The following SCN10A variants were observed in gnomAD, a reference collection of about 807,000 sequenced individuals.
SCN10A encodes the protein sodium channel protein type 10 subunit alpha.
In SCN10A, 162 loss-of-function variants were observed where a neutral mutation model predicts 170.7. That is an observed-to-expected ratio of 0.95 (90% confidence interval 0.84 to 1.08). SCN10A has a LOEUF of 1.08. Ranked by LOEUF, SCN10A falls within the 50% of genes least tolerant of loss-of-function variation. The pLI, the probability that SCN10A is intolerant of heterozygous loss-of-function variation, is 0.00. For missense variants in SCN10A, 2,527 were observed against 2,436.9 expected, an observed-to-expected ratio of 1.04 and a Z score of -0.78; for synonymous variants, 985 against 904.6, an observed-to-expected ratio of 1.09 and a Z score of -1.59.
chr3:38,708,771 C>T (rs1318507545), intron 25 of SCN10A, among the ~76,000 whole-genome samples: 2 of 152,138 alleles, frequency 1.3e-5, no homozygotes, highest in African/African-American at 4.8e-5. Flanking sequence ...AAAATATTGC[C>T]AGCATGAGCC....
chr3:38,786,562 A>G (rs569199529), intron 4 of SCN10A, among the ~76,000 whole-genome samples: 12 of 152,096 alleles, frequency 7.9e-5, no homozygotes, highest in African/African-American at 1.2e-4. Flanking sequence ...AACCACCATG[A>G]CATGTGTATA....
chr3:38,761,421 G>A (rs375092799), intron 6 of SCN10A, 38 bp from the exon 7 acceptor site: 268 of 1,562,494 alleles, frequency 1.7e-4, no homozygotes, highest in Non-Finnish European at 2.1e-4. Context: ...ACATGGATGA[G>A]GTAGCACACA....
chr3:38,700,998 C>T (rs1006539582), intron 27 of SCN10A, among the ~76,000 whole-genome samples: 1 of 152,196 alleles, frequency 6.6e-6, no homozygotes, highest in African/African-American at 2.4e-5. Flanking sequence ...CTAAACTCAG[C>T]TTCAACCCTT....
At chr3:38,792,228 C>G (rs1253198699) in intron 2 of SCN10A, 60 bp from the exon 3 acceptor site, 2 of 1,593,342 alleles carry the variant, frequency 1.3e-6, no homozygotes, top group African/African-American at 2.7e-5. Flanking sequence ...CTTATACAAC[C>G]ATGTTTTTAA....
At chr3:38,761,837 T>TGTGA (rs1187935909) in intron 6 of SCN10A, among the ~76,000 whole-genome samples, 13 of 144,752 alleles carry the variant, frequency 9.0e-5, no homozygotes, top group South Asian at 6.8e-4. Flanking sequence ...TGTGTGTGTG[T>TGTGA]GAGAGAGAGA....
rs753714258 is a variant in SCN10A at position 38,734,986 on chromosome 3, C to T, written c.2280+4529G>A. Among the ~76,000 whole-genome samples the T allele has an allele frequency of 3.7e-4, 56 of 151,770 alleles. 1 individual carries two copies. The highest frequency in any genetic ancestry group is 1.9e-4 in the East Asian group (1 of 5,172). On this transcript the variant is annotated intron_variant, in intron 15 of 27. Coordinates refer to ENST00000449082, the MANE Select transcript of SCN10A (RefSeq NM_006514.4). ...GAGATCGAGACCATCCTGGCTAACACGGTGAAACCCCGTCTCTACTAAAAA... is the reference window on the plus strand; with the variant it reads ...GAGATCGAGACCATCCTGGCTAACATGGTGAAACCCCGTCTCTACTAAAAA...
At position 38,697,780 on chromosome 3, in the gene SCN10A, C is replaced by T; in HGVS notation, c.5440G>A (p.Glu1814Lys). The part of the protein sequence containing the change: ...LFAFTKNVLG[E>K]SGELDSLKAN... The stretch of plus-strand genomic sequence containing the variant: ...TTCAGAGAATCCAACTCCCCGGATT[C>T]TCCTAGGACATTCTTGGTGAAAGCA... Residue 1814 changes from glutamate (E) to lysine (K), a missense_variant, in exon 28 of 28, where the codon GAA becomes AAA. Glu to Lys is a moderately conservative substitution (Grantham distance 56, BLOSUM62 1). Transcript: ENST00000449082. The T allele has an allele frequency of 6.2e-7, 1 of 1,614,174 alleles. No homozygotes were observed. Among genetic ancestry groups the T allele is most frequent in the Middle Eastern group, 1.6e-4 (1 of 6,062 alleles).
chr3:38,750,291 C>T (rs2063734615), intron 12 of SCN10A, 107 bp from the exon 13 acceptor site: 1 of 614,662 alleles, frequency 1.6e-6, no homozygotes, highest in African/African-American at 1.8e-5. Context: ...AGTCATATGT[C>T]ACTTACAGAT....
At chr3:38,772,703 C>G (rs1330240723) in intron 4 of SCN10A, among the ~76,000 whole-genome samples, 2 of 116,584 alleles carry the variant, frequency 1.7e-5, no homozygotes, top group East Asian at 4.8e-4. Context: ...ACAACAACAA[C>G]AACAGCAACA....
intron 4 of SCN10A, among the ~76,000 whole-genome samples, chr3:38,772,720 ACAAC>A (rs376153605): frequency 0.065 from 5,614 of 86,338 alleles, 312 homozygotes; most frequent in African/African-American, 0.17. Context: ...AACAACAACA[ACAAC>A]AAAAACAAAA....
intron 14 of SCN10A, among the ~76,000 whole-genome samples, chr3:38,741,548 T>C (rs778719114): frequency 3.3e-5 from 5 of 152,206 alleles, no homozygotes; most frequent in Non-Finnish European, 5.9e-5. Context: ...ATGAGAAGCA[T>C]CTGAGTATTA....
Position 38,781,663 on chromosome 3 carries a change from A to G in SCN10A, c.470+7293T>C, listed in dbSNP as rs1465537862. On this transcript the variant is annotated intron_variant, in intron 4 of 27. Coordinates refer to ENST00000449082, the MANE Select transcript of SCN10A (RefSeq NM_006514.4). ...ATTGAATCCCAAAGCATGGATTTTT[A>G]TGCTACAGGAATAAACAAACTCATT... Among the ~76,000 whole-genome samples, 4 of 152,132 alleles carry G rather than the reference A, an allele frequency of 2.6e-5. No homozygotes were observed. In the East Asian group the frequency reaches 5.8e-4, roughly 22 times the overall value.
rs749673345 is a variant in SCN10A, at chr3:38,697,888, G to A, written c.5332C>T (p.Pro1778Ser). 8 of 1,613,950 alleles carry A rather than the reference G, an allele frequency of 5.0e-6. No homozygotes were observed. In the African/African-American group the frequency reaches 6.7e-5, roughly 13 times the overall value. Residue 1778 changes from proline to serine, a missense_variant, in exon 28 of 28, where the codon CCA (proline) becomes TCA (serine). Pro to Ser is a moderately conservative substitution (Grantham distance 74). Coordinates refer to ENST00000449082, the MANE Select transcript of SCN10A (RefSeq NM_006514.4). The part of the protein sequence containing the change: ...ADTLSGPLRI[P>S]KPNRNILIQM... ...ATCAGTATATTTCGATTGGGTTTTG[G>A]GATTCTCAGGGGACCAGAGAGAGTG...
chr3:38,810,941 TTA>T, intron 1 of SCN10A, among the ~76,000 whole-genome samples: 1 of 152,368 alleles, frequency 6.6e-6, no homozygotes, highest in Middle Eastern at 3.4e-3. Flanking sequence ...CTACACATTT[TTA>T]CACTTATCAC....
In SCN10A at chr3:38,725,295, A is replaced by T; in HGVS notation, c.3107T>A (p.Val1036Asp). The change falls in exon 18 of 28, where the codon GTC (valine) becomes GAC (aspartate). Residue 1036 changes from valine (V) to aspartate (D), a missense_variant. Physicochemically the swap from Val to Asp is radical, Grantham distance 152 (BLOSUM62 -3). Transcript: ENST00000449082. ...PKGQQEQLQQ[V>D]ERCGDHLTPR... ...TGTCAGGTGGTCCCCACACCTCTCG[A>T]CTTGCTGCAGCTGCTCCTGCTAGTG... 1 of 1,579,374 alleles carries T rather than the reference A, an allele frequency of 6.3e-7. No individual in the cohort carries two copies. The highest frequency in any genetic ancestry group is 1.1e-5 in the South Asian group (1 of 87,662).
intron 15 of SCN10A, among the ~76,000 whole-genome samples, chr3:38,739,145 C>T (rs1559434822): frequency 6.6e-6 from 1 of 152,186 alleles, no homozygotes; most frequent in Non-Finnish European, 1.5e-5. Context: ...TTGTTGTGAG[C>T]ATAAAATGAG....
rs760863009 is a variant in SCN10A at position 38,698,004 on chromosome 3, T to A, written c.5216A>T (p.Asp1739Val). ...TEESTEPLSE[D>V]DFDMFYETWE... ...GGTCTCATAGAACATGTCAAAGTCG[T>A]CCTCACTCAGGGGCTCAGTGCTCTC... The change falls in exon 28 of 28, where the codon GAC becomes GTC. Residue 1739 changes from aspartate to valine, a missense_variant. Coordinates refer to ENST00000449082, the MANE Select transcript of SCN10A (RefSeq NM_006514.4). The A allele has an allele frequency of 1.4e-5, 22 of 1,614,030 alleles. No homozygotes were observed. Among genetic ancestry groups the A allele is most frequent in the Non-Finnish European group, 1.9e-5 (22 of 1,180,028 alleles).
Position 38,712,306 on chromosome 3 carries a change from T to C in SCN10A, c.3944A>G (p.Asp1315Gly). 1 of 1,614,204 alleles carries C rather than the reference T, an allele frequency of 6.2e-7. No homozygotes were observed. The change falls in exon 23 of 28, where the codon GAT becomes GGT. Residue 1315 changes from aspartate (D) to glycine (G), a missense_variant. Physicochemically the swap from Asp to Gly is moderately conservative, Grantham distance 94. Coordinates refer to ENST00000449082, the MANE Select transcript of SCN10A (RefSeq NM_006514.4). ...CAAAGGTACAAGGGAAAACTCTCCA[T>C]CGGTATAGTTGATGCACCTCCAAAA... is the stretch of plus-strand genomic sequence containing the variant. Reference protein sequence around the residue: ...GKFWRCINYTDGEFSLVPLSI... With the variant: ...GKFWRCINYTGGEFSLVPLSI...
intron 4 of SCN10A, among the ~76,000 whole-genome samples, chr3:38,773,914 T>C (rs771009307): frequency 1.3e-5 from 2 of 152,154 alleles, no homozygotes; most frequent in Admixed American, 1.3e-4. Context: ...ATTATGAGTA[T>C]ATTATTGGAG....
Sources: gnomAD v4.1 joint callset for allele counts (sites outside exome capture counted in the v4.1 genomes callset) on GRCh38, gnomAD v4.1.1 for gene constraint, MANE v1.5 for transcripts, NCBI Gene and HGNC (gene_info 2026-07-23, HGNC 2026-07-21) for gene names.